The following TM2D1 variants were observed in gnomAD, a reference collection of about 807,000 sequenced individuals.
TM2D1 encodes TM2 domain containing 1.
A neutral mutation model predicts 28.4 loss-of-function variants in TM2D1; 15 were observed. That is an observed-to-expected ratio of 0.53 (90% CI 0.35 to 0.81). The LOEUF is 0.81. Among genes scored for constraint, TM2D1 ranks in the 40% least tolerant of loss-of-function variants. The probability of loss-of-function intolerance (pLI) is 0.01; values close to 1 mark genes in which losing one functional copy is unlikely to be tolerated. For missense variants in TM2D1, 236 were observed against 254.9 expected (o/e 0.93, Z 0.50); for synonymous variants, 93 against 96.2 (o/e 0.97, Z 0.20).
intron 2 of TM2D1, among the ~76,000 whole-genome samples, chr1:61,713,829 A>C (rs1050133005): frequency 2.6e-5 from 4 of 151,550 alleles, no homozygotes; most frequent in African/African-American, 4.8e-5. Flanking sequence ...ACAGAAATGC[A>C]CTGTTTTTTT....
At chr1:61,696,979 G>A (rs925194147) in intron 4 of TM2D1, among the ~76,000 whole-genome samples, 1 of 151,712 alleles carries the variant, frequency 6.6e-6, no homozygotes, top group Non-Finnish European at 1.5e-5. Flanking sequence ...TATAATAACT[G>A]TAGTAGCAGA....
intron 3 of TM2D1, among the ~76,000 whole-genome samples, chr1:61,706,523 C>T (rs1246235208): frequency 1.3e-5 from 2 of 150,402 alleles, no homozygotes; most frequent in Non-Finnish European, 3.0e-5. Context: ...AAATTGTTAA[C>T]TTAGACCAGG....
At position 61,716,290 on chromosome 1, in the gene TM2D1, G is replaced by A. The variant is rs1446407140; in HGVS notation, c.239-6853C>T. ...GCTACGATCCTGCCATTGCACTACA[G>A]CCTGGGCGACAGAGTAAGGCCTCTC... On this transcript the variant is annotated intron_variant, in intron 2 of 6. Coordinates refer to ENST00000606498, the MANE Select transcript of TM2D1 (RefSeq NM_032027.3). Among the ~76,000 whole-genome samples, 3 of 150,288 alleles carry A rather than the reference G, an allele frequency of 2.0e-5. No homozygotes were observed. The East Asian group carries it at 5.9e-4, about 30-fold the overall frequency.
intron 4 of TM2D1, chr1:61,700,068 C>T (rs1644390981): frequency 7.1e-7 from 1 of 1,400,742 alleles, no homozygotes; most frequent in Non-Finnish European, 9.2e-7. Flanking sequence ...AAGCAGAGTA[C>T]TACAGTAAAT....
chr1:61,699,441 A>C (rs1644386959), intron 4 of TM2D1: 1 of 152,256 alleles, frequency 6.6e-6, no homozygotes, highest in Non-Finnish European at 1.5e-5. Context: ...CTCCATAGCA[A>C]GATACTCAAA....
intron 5 of TM2D1, among the ~76,000 whole-genome samples, chr1:61,691,943 A>ATATATATATATATG (rs1644330731): frequency 7.9e-6 from 1 of 127,074 alleles, no homozygotes; most frequent in Non-Finnish European, 1.7e-5. Flanking sequence ...ATATATATAT[A>ATATATATATATATG]TATATATATA....
At chr1:61,708,088 ACAGGGT>A (rs1488884246) in intron 3 of TM2D1, among the ~76,000 whole-genome samples, 2 of 152,156 alleles carry the variant, frequency 1.3e-5, no homozygotes, top group Non-Finnish European at 2.9e-5. Context: ...TTTTTTAGAG[ACAGGGT>A]CTCTACTCTG....
At chr1:61,683,319 T>C (rs778355698) in intron 6 of TM2D1, 98 bp downstream of exon 6, 113 of 416,932 alleles carry the variant, frequency 2.7e-4, no homozygotes, top group Non-Finnish European at 4.2e-4. Flanking sequence ...GAGAGGTTTA[T>C]ACGGTTTCTT....
chr1:61,687,938 TAC>T (rs1308247491), intron 5 of TM2D1, among the ~76,000 whole-genome samples: 1 of 152,240 alleles, frequency 6.6e-6, no homozygotes, highest in Non-Finnish European at 1.5e-5. Flanking sequence ...AAAGTCAGAC[TAC>T]ATTTTTGTAT....
intron 2 of TM2D1, among the ~76,000 whole-genome samples, chr1:61,710,804 A>C (rs1418426859): frequency 6.6e-6 from 1 of 152,146 alleles, no homozygotes; most frequent in South Asian, 2.1e-4. Context: ...AATTATCCTA[A>C]GATTTCCAAC....
At chr1:61,682,188 C>T (rs1557522704) in intron 6 of TM2D1, among the ~76,000 whole-genome samples, 1 of 152,138 alleles carries the variant, frequency 6.6e-6, no homozygotes, top group Non-Finnish European at 1.5e-5. Context: ...AAACAAATGT[C>T]TATTCTCTTG....
chr1:61,710,253 CATCTCTACA>C (rs1644467307), intron 2 of TM2D1, among the ~76,000 whole-genome samples: 1 of 151,186 alleles, frequency 6.6e-6, no homozygotes, highest in Non-Finnish European at 1.5e-5. Flanking sequence ...GGCGACACCC[CATCTCTACA>C]AAACAATACA....
chr1:61,707,067 C>T (rs978438737), intron 3 of TM2D1, among the ~76,000 whole-genome samples: 2 of 152,024 alleles, frequency 1.3e-5, no homozygotes, highest in African/African-American at 4.8e-5. Context: ...CCAGCCTGGG[C>T]AACATGGTGA....
chr1:61,691,934 T>TATATATATATATAC (rs1644329703), intron 5 of TM2D1, among the ~76,000 whole-genome samples: 1 of 66,424 alleles, frequency 1.5e-5, no homozygotes, highest in African/African-American at 5.4e-5. Flanking sequence ...AAAAAAAAAA[T>TATATATATATATAC]ATATATATAT....
At chr1:61,698,227 C>T (rs1644377526) in intron 4 of TM2D1, 1 of 152,108 alleles carries the variant, frequency 6.6e-6, no homozygotes, top group Admixed American at 6.6e-5. Context: ...GTTCAGGATA[C>T]CAACTTGCCT....
chr1:61,683,488 G>C lies in TM2D1; in HGVS notation c.572C>G (p.Thr191Arg). ...TGTTTCATTAGTAATACTCAGTCTT[G>C]TAAGTCTGGTTCCATAGTAATCTAT... ...YIIDYYGTRL[T>R]RLSITNETFR... The change falls in exon 6 of 7, where the codon ACA becomes AGA. Residue 191 changes from threonine (T) to arginine (R), a missense_variant. Physicochemically the swap from Thr to Arg is moderately conservative, Grantham distance 71 (BLOSUM62 -1). Transcript: ENST00000606498. 6.5e-7 allele frequency: 1 copy of C among 1,542,308 alleles called. No individual in the cohort carries two copies. Among genetic ancestry groups the C allele is most frequent in the Non-Finnish European group, 8.7e-7 (1 of 1,147,132 alleles).
At chr1:61,694,645 GA>G (rs1557528453) in intron 5 of TM2D1, 51 bp downstream of exon 5, 5 of 1,247,998 alleles carry the variant, frequency 4.0e-6, no homozygotes, top group Admixed American at 4.2e-5. Flanking sequence ...GGAGATCACA[GA>G]ACTCAATTTT....
intron 2 of TM2D1, among the ~76,000 whole-genome samples, chr1:61,710,180 G>A (rs1275527613): frequency 2.0e-5 from 3 of 151,934 alleles, no homozygotes; most frequent in Admixed American, 6.6e-5. Context: ...AGTGGCTCAT[G>A]CCTATAATCC....
intron 5 of TM2D1, among the ~76,000 whole-genome samples, chr1:61,690,662 T>TC (rs1557526632): frequency 6.6e-6 from 1 of 152,090 alleles, no homozygotes; most frequent in Non-Finnish European, 1.5e-5. Context: ...CAGTTTCAAA[T>TC]CAGCAAAAAT....
Sources: gnomAD v4.1 joint callset for allele counts (sites outside exome capture counted in the v4.1 genomes callset) on GRCh38, gnomAD v4.1.1 for gene constraint, MANE v1.5 for transcripts, NCBI Gene and HGNC (gene_info 2026-07-23, HGNC 2026-07-21) for gene names.